The following LMBR1 variants were observed in gnomAD, a reference collection of about 807,000 sequenced individuals.
LMBR1 encodes limb region 1 protein homolog.
In LMBR1, 52 loss-of-function variants were observed where a neutral mutation model predicts 73.9. That is an observed-to-expected ratio of 0.70 (90% confidence interval 0.56 to 0.89). LMBR1 has a LOEUF of 0.89. Among genes scored for constraint, LMBR1 ranks in the 40% least tolerant of loss-of-function variants. The probability of loss-of-function intolerance (pLI) is 0.00; values close to 1 mark genes in which losing one functional copy is unlikely to be tolerated. For missense variants in LMBR1, 539 were observed against 579.8 expected, an observed-to-expected ratio of 0.93 and a Z score of 0.72; for synonymous variants, 215 against 209.4, an observed-to-expected ratio of 1.03 and a Z score of -0.23.
At chr7:156,881,222 G>A (rs984704346) in intron 1 of LMBR1, among the ~76,000 whole-genome samples, 3 of 152,200 alleles carry the variant, frequency 2.0e-5, no homozygotes, top group Non-Finnish European at 1.5e-5. Context: ...ACACAAGGCT[G>A]CAAATAATAC....
At chr7:156,758,044 A>G (rs1215583187) in intron 8 of LMBR1, among the ~76,000 whole-genome samples, 1 of 152,048 alleles carries the variant, frequency 6.6e-6, no homozygotes, top group Admixed American at 6.5e-5. Context: ...GAAAAGGGGA[A>G]GAGATACCTA....
chr7:156,816,955 C>A (rs1834006129), intron 4 of LMBR1, among the ~76,000 whole-genome samples: 1 of 152,060 alleles, frequency 6.6e-6, no homozygotes, highest in South Asian at 2.1e-4. Flanking sequence ...AATCGCTCTG[C>A]TTTAGAAAGG....
intron 15 of LMBR1, among the ~76,000 whole-genome samples, chr7:156,694,509 G>A (rs996839382): frequency 1.6e-4 from 24 of 152,166 alleles, no homozygotes; most frequent in Admixed American, 6.5e-5. Flanking sequence ...CTAAGATCTG[G>A]AAGAAGGCAA....
intron 5 of LMBR1, among the ~76,000 whole-genome samples, chr7:156,774,692 C>A (rs140001396): frequency 0.032 from 4,833 of 152,058 alleles, 122 homozygotes; most frequent in South Asian, 0.084. Context: ...ATTAGCCGGG[C>A]GTGGTGGCGG....
At chr7:156,842,703 C>G (rs1196246999) in intron 1 of LMBR1, among the ~76,000 whole-genome samples, 2 of 152,000 alleles carry the variant, frequency 1.3e-5, no homozygotes, top group African/African-American at 2.4e-5. Flanking sequence ...ACAAATGGAG[C>G]AAATATAATA....
intron 4 of LMBR1, among the ~76,000 whole-genome samples, chr7:156,799,918 C>A (rs1830652450): frequency 6.6e-6 from 1 of 152,196 alleles, no homozygotes; most frequent in African/African-American, 2.4e-5. Context: ...ACAACATTCC[C>A]TAAAGCCACA....
chr7:156,880,828 T>C (rs746184500), intron 1 of LMBR1, among the ~76,000 whole-genome samples: 1 of 152,098 alleles, frequency 6.6e-6, no homozygotes, highest in Non-Finnish European at 1.5e-5. Flanking sequence ...AATTTTTATA[T>C]TTTTAGTAGA....
At chr7:156,761,152 G>A (rs1822908453) in intron 8 of LMBR1, among the ~76,000 whole-genome samples, 1 of 152,200 alleles carries the variant, frequency 6.6e-6, no homozygotes, top group South Asian at 2.1e-4. Flanking sequence ...AGTAAACACA[G>A]GGACAGCTAG....
At chr7:156,791,368 C>T (rs1279869917) in intron 5 of LMBR1, among the ~76,000 whole-genome samples, 1 of 152,088 alleles carries the variant, frequency 6.6e-6, no homozygotes, top group South Asian at 2.1e-4. Context: ...AATGAAAGCT[C>T]GTGGAGACAG....
chr7:156,810,168 C>G (rs1160432478), intron 4 of LMBR1, among the ~76,000 whole-genome samples: 7 of 152,174 alleles, frequency 4.6e-5, no homozygotes, highest in African/African-American at 1.4e-4. Flanking sequence ...AAGCTGCTTC[C>G]ATTCGTGGCG....
In LMBR1 at chr7:156,702,465, T is replaced by C. The variant is rs567320057; in HGVS notation, c.1226-14274A>G. On this transcript the variant is annotated intron_variant, in intron 15 of 16. Coordinates refer to ENST00000353442, the MANE Select transcript of LMBR1 (RefSeq NM_022458.4). ...TTCATGTCCTTTGCCCACTTTTTAATGAGGTTTGTTTTTTTCTTGTAAATT... is the reference window on the plus strand; with the variant it reads ...TTCATGTCCTTTGCCCACTTTTTAACGAGGTTTGTTTTTTTCTTGTAAATT... 5.3e-5 allele frequency among the ~76,000 whole-genome samples: 8 copies of C among 152,350 alleles called. No individual in the cohort carries two copies. The South Asian group carries it at 6.2e-4, about 12-fold the overall frequency.
intron 1 of LMBR1, among the ~76,000 whole-genome samples, chr7:156,888,043 C>G (rs750021024): frequency 6.6e-6 from 1 of 152,178 alleles, no homozygotes; most frequent in African/African-American, 2.4e-5. Flanking sequence ...GAACCAGAAA[C>G]TCTGGCTCCT....
intron 15 of LMBR1, among the ~76,000 whole-genome samples, chr7:156,701,294 T>C (rs1809619663): frequency 6.6e-6 from 1 of 152,182 alleles, no homozygotes; most frequent in African/African-American, 2.4e-5. Flanking sequence ...TGTAAACAAC[T>C]CAAAGGTCTT....
intron 5 of LMBR1, among the ~76,000 whole-genome samples, chr7:156,782,333 A>G (rs903743236): frequency 6.6e-6 from 1 of 152,218 alleles, no homozygotes; most frequent in Admixed American, 6.5e-5. Flanking sequence ...ATGTATATCC[A>G]GAAGTGGAAT....
intron 2 of LMBR1, among the ~76,000 whole-genome samples, chr7:156,835,649 C>T (rs1837489487): frequency 6.7e-6 from 1 of 149,888 alleles, no homozygotes; most frequent in African/African-American, 2.5e-5. Flanking sequence ...AAGCCGAGAT[C>T]GCACCACTGC....
intron 14 of LMBR1, 140 bp from the exon 15 acceptor site, chr7:156,724,318 G>T: frequency 1.7e-6 from 1 of 584,934 alleles, no homozygotes; most frequent in Non-Finnish European, 3.0e-6. Flanking sequence ...ATTCAGTACA[G>T]AATTTTCAAA....
intron 1 of LMBR1, among the ~76,000 whole-genome samples, chr7:156,874,347 AGCGCCACACGCAGCCCCG>A (rs1392244379): frequency 6.6e-6 from 1 of 152,198 alleles, no homozygotes; most frequent in African/African-American, 2.4e-5. Flanking sequence ...CTGGCCCGCA[AGCGCCACACGCAGCCCCG>A]GCTCCCGCTC....
At chr7:156,676,102 G>A, downstream of LMBR1, 1 of 790,538 alleles carries the variant, frequency 1.3e-6, no homozygotes, top group East Asian at 2.7e-5. Context: ...TGCACCTGTG[G>A]TAGGACTTTC....
At chr7:156,710,797 A>T (rs1008510245) in intron 15 of LMBR1, among the ~76,000 whole-genome samples, 1 of 152,194 alleles carries the variant, frequency 6.6e-6, no homozygotes, top group African/African-American at 2.4e-5. Context: ...TATAAAGGAA[A>T]ATCTATCAGA....
Sources: allele counts gnomAD v4.1 joint callset (sites outside exome capture counted in the v4.1 genomes callset), GRCh38; gene constraint gnomAD v4.1.1; transcripts MANE v1.5; gene names NCBI Gene and HGNC (gene_info 2026-07-23, HGNC 2026-07-21).